Variants in GARRE1 observed in about 807,000 individuals in gnomAD.
The protein encoded by GARRE1 is granule associated Rac and RHOG effector protein 1.
GARRE1 carries 49 observed loss-of-function variants against 103.2 expected under a neutral mutation model. That is an observed-to-expected ratio of 0.47 (90% CI 0.38 to 0.60). The LOEUF (loss-of-function observed/expected upper bound fraction) is 0.60. GARRE1 is among the 20% of genes least tolerant of loss of function. The pLI is 0.00. For synonymous variants in GARRE1, 505 were observed against 532.8 expected (o/e 0.95, Z 0.72); for missense variants, 1,199 against 1,370.5 (o/e 0.87, Z 1.98).
At chr19:34,327,396 C>A (rs755902265) in intron 3 of GARRE1, 25 bp from the exon 4 acceptor site, 2 of 1,611,144 alleles carry the variant, frequency 1.2e-6, no homozygotes, top group Admixed American at 3.3e-5. Flanking sequence ...CCTCTTTTAC[C>A]TACCAGTTAC....
intron 11 of GARRE1, 93 bp from the exon 12 acceptor site, chr19:34,348,923 A>AT: frequency 6.9e-7 from 1 of 1,448,358 alleles, no homozygotes; most frequent in Non-Finnish European, 9.5e-7. Context: ...TGGTTATGGG[A>AT]TGAATGCAGG....
rs188922233 is a variant in GARRE1 at position 34,306,115 on chromosome 19, A to G, written c.495+5147A>G. On this transcript the variant is annotated intron_variant, in intron 2 of 13. Transcript: ENST00000299505. The stretch of plus-strand genomic sequence containing the variant: ...TCTCTCTCAGAATTTTCAGCAACTC[A>G]GATGAAATGGCTAGGCATTTGGATT... Among the ~76,000 whole-genome samples the G allele has an allele frequency of 2.6e-5, 4 of 152,314 alleles. No individual in the cohort carries two copies. The East Asian group carries it at 7.7e-4, about 29-fold the overall frequency.
chr19:34,255,511 G>A (rs1184651328), intron 1 of GARRE1, among the ~76,000 whole-genome samples: 2 of 152,146 alleles, frequency 1.3e-5, no homozygotes. Context: ...ACCATTCAGT[G>A]ACAACCACTG....
intron 1 of GARRE1, among the ~76,000 whole-genome samples, chr19:34,265,129 C>T (rs1053851666): frequency 1.5e-4 from 23 of 152,152 alleles, no homozygotes; most frequent in African/African-American, 5.5e-4. Context: ...GATTTTCTTA[C>T]TAAAAATGAT....
chr19:34,290,072 A>G (rs2145230362), intron 1 of GARRE1, among the ~76,000 whole-genome samples: 1 of 152,156 alleles, frequency 6.6e-6, no homozygotes, highest in East Asian at 1.9e-4. Context: ...TTGAAAATGT[A>G]AGGACCGGGC....
At position 34,327,771 on chromosome 19, in the gene GARRE1, G is replaced by C; in HGVS notation, c.847G>C (p.Ala283Pro). ...LNIKIDSALQ[A>P]YKIALESLGH... ...ATTGTTAAAAATAATTTATTTCCAG[G>C]CATATAAGATAGCTCTGGAAAGCTT... is the stretch of plus-strand genomic sequence containing the variant. Residue 283 changes from alanine (A) to proline (P), a missense_variant and splice_region_variant, in exon 5 of 14, where the codon GCA (alanine) becomes CCA (proline). By Grantham distance (27) the Ala-to-Pro change is conservative. Transcript: ENST00000299505. 6.2e-7 allele frequency: 1 copy of C among 1,607,348 alleles called. No individual in the cohort carries two copies. Among genetic ancestry groups the C allele is most frequent in the Non-Finnish European group, 8.5e-7 (1 of 1,174,832 alleles).
At chr19:34,287,189 C>A (rs1166378675) in intron 1 of GARRE1, among the ~76,000 whole-genome samples, 1 of 150,834 alleles carries the variant, frequency 6.6e-6, no homozygotes, top group African/African-American at 2.4e-5. Context: ...AAGATTGATT[C>A]GTTAGATTTG....
intron 1 of GARRE1, among the ~76,000 whole-genome samples, chr19:34,289,876 C>G (rs140796331): frequency 1.6e-3 from 249 of 152,268 alleles, no homozygotes; most frequent in African/African-American, 5.8e-3. Flanking sequence ...AGTGCAAGAC[C>G]TTTAATGTCC....
rs773879919 is a variant in GARRE1 at position 34,342,472 on chromosome 19, A to G, written c.2521+17A>G. ...ATCCTGCAGGTATGTGAGGCCTCCC[A>G]TCCCTCGCCCAGTGTCAACAGCAAA... is the stretch of plus-strand genomic sequence containing the variant. On this transcript the variant is annotated intron_variant, in intron 10 of 13. Transcript: ENST00000299505. 5.0e-6 allele frequency: 8 copies of G among 1,593,374 alleles called. No individual in the cohort carries two copies. The South Asian group carries it at 9.1e-5, about 18-fold the overall frequency.
chr19:34,297,087 G>C (rs2073951690), intron 1 of GARRE1, among the ~76,000 whole-genome samples: 1 of 152,188 alleles, frequency 6.6e-6, no homozygotes, highest in Admixed American at 6.5e-5. Context: ...AGGAGTTTGA[G>C]ACCGGCCTGG....
At chr19:34,292,480 G>C (rs773874952) in intron 1 of GARRE1, among the ~76,000 whole-genome samples, 16 of 152,044 alleles carry the variant, frequency 1.1e-4, no homozygotes, top group Non-Finnish European at 8.8e-5. Flanking sequence ...GTTTCTCTTG[G>C]GTATATACAT....
At chr19:34,346,339 C>T (rs1030322217) in intron 10 of GARRE1, among the ~76,000 whole-genome samples, 1 of 152,174 alleles carries the variant, frequency 6.6e-6, no homozygotes, top group Non-Finnish European at 1.5e-5. Flanking sequence ...CCCCGTTCAG[C>T]ATTGCCAGTG....
intron 1 of GARRE1, among the ~76,000 whole-genome samples, chr19:34,257,510 C>CTCTG (rs2073681758): frequency 1.3e-5 from 2 of 151,674 alleles, no homozygotes; most frequent in Admixed American, 1.3e-4. Flanking sequence ...GCTAATCACT[C>CTCTG]TTTTTTCCTC....
intron 1 of GARRE1, among the ~76,000 whole-genome samples, chr19:34,277,705 A>G (rs1454015222): frequency 1.3e-5 from 2 of 152,136 alleles, no homozygotes; most frequent in East Asian, 1.9e-4. Flanking sequence ...TTCTCCATCA[A>G]GTTTCACCAA....
intron 1 of GARRE1, among the ~76,000 whole-genome samples, chr19:34,272,391 G>T (rs2073793075): frequency 6.6e-6 from 1 of 152,120 alleles, no homozygotes; most frequent in African/African-American, 2.4e-5. Context: ...TAGAGACAGG[G>T]TTTTGCCATG....
rs376064326 is a variant in GARRE1 at position 34,342,191 on chromosome 19, C to T, written c.2257C>T (p.Pro753Ser). Residue 753 changes from proline to serine, a missense_variant, in exon 10 of 14, where the codon CCT becomes TCT. By Grantham distance (74) the Pro-to-Ser change is moderately conservative. Coordinates refer to ENST00000299505, the MANE Select transcript of GARRE1 (RefSeq NM_014686.5). ...GCAGCCCCCGCCCCAGCCTCGGGCA[C>T]CTGGGAAATGGGTACATGGCTCATC... ...PQQPPPQPRA[P>S]GKWVHGSSQQ... 119 of 1,614,058 alleles carry T rather than the reference C, an allele frequency of 7.4e-5. No individual in the cohort carries two copies. The highest frequency in any genetic ancestry group is 9.8e-5 in the Non-Finnish European group (116 of 1,180,046).
chr19:34,328,046 G>T lies in GARRE1; in HGVS notation c.999G>T (p.Gln333His). 6.2e-7 allele frequency: 1 copy of T among 1,614,154 alleles called. No individual in the cohort carries two copies. The highest frequency in any genetic ancestry group is 8.5e-7 in the Non-Finnish European group (1 of 1,180,032). Residue 333 changes from glutamine to histidine, a missense_variant, in exon 6 of 14, where the codon CAG (glutamine) becomes CAT (histidine). By Grantham distance (24) the Gln-to-His change is conservative. Transcript: ENST00000299505. The part of the protein sequence containing the change: ...QQTGRRQTPP[Q>H]PMQCELPTVP... ...CGGGGCGGAGGCAGACACCCCCGCA[G>T]CCCATGCAGTGTGAGCTCCCCACCG...
chr19:34,349,015 G>C lies in GARRE1; in HGVS notation c.2688-1G>C. ...GCCCAGCTTCTCTCTCTGGCTTTCA[G>C]GGATGGCCTGCACGGTGGCTGGTCG... On this transcript the variant is annotated splice_acceptor_variant, in intron 11 of 13. Transcript: ENST00000299505. LOFTEE classifies it high-confidence loss of function. The C allele has an allele frequency of 6.2e-7, 1 of 1,610,520 alleles. No individual in the cohort carries two copies. The highest frequency in any genetic ancestry group is 8.5e-7 in the Non-Finnish European group (1 of 1,179,956).
intron 1 of GARRE1, among the ~76,000 whole-genome samples, chr19:34,276,660 A>G (rs1179294784): frequency 6.6e-6 from 1 of 152,150 alleles, no homozygotes; most frequent in Non-Finnish European, 1.5e-5. Context: ...CTTCTCCCTC[A>G]TATCATCTGT....
Sources: allele counts gnomAD v4.1 joint callset (sites outside exome capture counted in the v4.1 genomes callset), GRCh38; gene constraint gnomAD v4.1.1; transcripts MANE v1.5; gene names NCBI Gene and HGNC (gene_info 2026-07-23, HGNC 2026-07-21).